The following DLG2 variants were observed in gnomAD, a reference collection of about 807,000 sequenced individuals.
The protein encoded by DLG2 is discs large MAGUK scaffold protein 2.
DLG2 carries 45 observed loss-of-function variants against 132.5 expected under a neutral mutation model. The ratio of observed to expected loss-of-function variants is 0.34; its 90% CI spans 0.27 to 0.44. The LOEUF is 0.44. Ranked by LOEUF, DLG2 falls within the 20% of genes least tolerant of loss-of-function variation. The pLI, the probability that DLG2 is intolerant of heterozygous loss-of-function variation, is 1.00. For synonymous variants in DLG2, 424 were observed against 419.6 expected, an observed-to-expected ratio of 1.01 and a Z score of -0.13; for missense variants, 1,045 against 1,196.9, an observed-to-expected ratio of 0.87 and a Z score of 1.87.
At chr11:84,306,517 C>A (rs550402609) in intron 7 of DLG2, among the ~76,000 whole-genome samples, 56 of 152,206 alleles carry the variant, frequency 3.7e-4, no homozygotes, top group Non-Finnish European at 6.9e-4. Context: ...TTGATTTTCG[C>A]GGAGTTATAG....
chr11:85,551,481 C>T (rs1160952137), intron 3 of DLG2, among the ~76,000 whole-genome samples: 1 of 151,734 alleles, frequency 6.6e-6, no homozygotes, highest in Admixed American at 6.6e-5. Context: ...TATTTTAATG[C>T]CATATAAATA....
chr11:84,200,570 A>C (rs2096578874), intron 8 of DLG2, among the ~76,000 whole-genome samples: 1 of 152,140 alleles, frequency 6.6e-6, no homozygotes, highest in Non-Finnish European at 1.5e-5. Context: ...GATTCTTCCT[A>C]TCCATGAGCA....
intron 17 of DLG2, among the ~76,000 whole-genome samples, chr11:83,795,441 A>ATATATC (rs71066068): frequency 5.4e-5 from 8 of 147,406 alleles, no homozygotes; most frequent in South Asian, 2.2e-4. Context: ...ATCTATATCT[A>ATATATC]TATATCTATA....
chr11:85,431,657 C>T (rs893387979), intron 3 of DLG2, among the ~76,000 whole-genome samples: 2 of 152,346 alleles, frequency 1.3e-5, no homozygotes, highest in East Asian at 1.9e-4. Flanking sequence ...AGGGACCAAA[C>T]TCTGATTTCC....
Position 85,233,997 on chromosome 11 carries a change from T to C in DLG2, c.186+51223A>G, listed in dbSNP as rs1207058656. Among the ~76,000 whole-genome samples the C allele has an allele frequency of 1.8e-4, 28 of 151,830 alleles. No homozygotes were observed. The Admixed American group carries it at 1.8e-3, about 10-fold the overall frequency. The stretch of plus-strand genomic sequence containing the variant: ...GAGAAGATGAAATAGGATTGCAAAG[T>C]TTTCATTCTTTAACAATATTAATTG... On this transcript the variant is annotated intron_variant, in intron 4 of 27. Transcript: ENST00000376104.
At chr11:85,124,318 C>G (rs571027650) in intron 5 of DLG2, among the ~76,000 whole-genome samples, 1 of 152,238 alleles carries the variant, frequency 6.6e-6, no homozygotes, top group African/African-American at 2.4e-5. Context: ...AGACACAGCT[C>G]TCATTTTTCT....
chr11:84,534,462 A>G (rs2099350600), intron 7 of DLG2, 108 bp downstream of exon 7: 2 of 1,161,300 alleles, frequency 1.7e-6, no homozygotes, highest in East Asian at 4.7e-5. Flanking sequence ...CGTGTCCTCT[A>G]TCATGTTTTA....
At chr11:85,111,861 G>T in intron 5 of DLG2, 126 bp from the exon 6 acceptor site, 1 of 664,058 alleles carries the variant, frequency 1.5e-6, no homozygotes, top group Non-Finnish European at 2.4e-6. Context: ...AGAATGCTTT[G>T]TTGGTGCAAT....
chr11:84,765,345 T>G (rs2068256336), intron 6 of DLG2, among the ~76,000 whole-genome samples: 1 of 152,064 alleles, frequency 6.6e-6, no homozygotes. Flanking sequence ...AAACTACTAA[T>G]GACATAAGCA....
At chr11:84,997,237 G>C (rs962330532) in intron 6 of DLG2, 1 of 152,752 alleles carries the variant, frequency 6.5e-6, no homozygotes, top group Non-Finnish European at 1.5e-5. Context: ...CACAAAACAA[G>C]TTACCTGTAT....
chr11:84,439,328 T>C (rs2099010484), intron 7 of DLG2, among the ~76,000 whole-genome samples: 1 of 152,204 alleles, frequency 6.6e-6, no homozygotes, highest in Non-Finnish European at 1.5e-5. Context: ...GGTCTTCAAA[T>C]GATATTGAAC....
At chr11:85,112,466 T>C (rs1373429560) in intron 5 of DLG2, among the ~76,000 whole-genome samples, 1 of 152,008 alleles carries the variant, frequency 6.6e-6, no homozygotes, top group African/African-American at 2.4e-5. Context: ...TGAAAACTGA[T>C]TAGTCCAAAA....
intron 6 of DLG2, among the ~76,000 whole-genome samples, chr11:84,844,858 T>C (rs2081261572): frequency 6.6e-6 from 1 of 152,194 alleles, no homozygotes; most frequent in African/African-American, 2.4e-5. Flanking sequence ...GTTATATCAT[T>C]TAATGTATTA....
At chr11:85,619,951 A>C (rs2153276319) in intron 2 of DLG2, among the ~76,000 whole-genome samples, 1 of 152,342 alleles carries the variant, frequency 6.6e-6, no homozygotes, top group Non-Finnish European at 1.5e-5. Flanking sequence ...CCACTCAATG[A>C]AGTCAGGTAC....
intron 7 of DLG2, among the ~76,000 whole-genome samples, chr11:84,390,933 G>T (rs940949220): frequency 6.6e-6 from 1 of 152,100 alleles, no homozygotes; most frequent in South Asian, 2.1e-4. Context: ...TTTCTAAGGG[G>T]TCTGGCAGGT....
rs2058171315 is a variant in DLG2 at position 83,599,490 on chromosome 11, A to G, written c.1940+33721T>C. On this transcript the variant is annotated intron_variant, in intron 19 of 27. Coordinates refer to ENST00000376104, the MANE Select transcript of DLG2 (RefSeq NM_001142699.3). ...TAATAAACACTTACCAATCCTTCAA[A>G]AGATCCAAAAAGCATCTTAGGTTTT... is the stretch of plus-strand genomic sequence containing the variant. Among the ~76,000 whole-genome samples the G allele has an allele frequency of 3.3e-5, 5 of 152,152 alleles. No individual in the cohort carries two copies. The South Asian group carries it at 1.0e-3, about 32-fold the overall frequency.
intron 3 of DLG2, among the ~76,000 whole-genome samples, chr11:85,489,963 G>C (rs1453545034): frequency 2.6e-5 from 4 of 152,014 alleles, no homozygotes; most frequent in Non-Finnish European, 4.4e-5. Flanking sequence ...CAAGCTATAA[G>C]GATTTTTTGA....
In DLG2 at chr11:84,967,870, T is replaced by A. The variant is rs145219812; in HGVS notation, c.357+143791A>T. On this transcript the variant is annotated intron_variant, in intron 6 of 27. Transcript: ENST00000376104. ...ACAACATATAAACTGATCAGCTATG[T>A]TCATTTTCAATATATTTTCTAAGAA... Among the ~76,000 whole-genome samples, 93 of 152,244 alleles carry A rather than the reference T, an allele frequency of 6.1e-4. No individual in the cohort carries two copies. The East Asian group carries it at 0.017, about 28-fold the overall frequency.
chr11:84,106,576 C>T (rs570501737), intron 9 of DLG2, among the ~76,000 whole-genome samples: 3 of 152,200 alleles, frequency 2.0e-5, no homozygotes, highest in South Asian at 2.1e-4. Context: ...ATTTAGGATG[C>T]CCCATAGTTT....
Sources: allele counts gnomAD v4.1 joint callset (sites outside exome capture counted in the v4.1 genomes callset), GRCh38; gene constraint gnomAD v4.1.1; transcripts MANE v1.5; gene names NCBI Gene and HGNC (gene_info 2026-07-23, HGNC 2026-07-21).